The following ENO4 variants were observed in gnomAD, a reference collection of about 807,000 sequenced individuals.
The protein encoded by ENO4 is 2-phospho-D-glycerate hydro-lyase.
Under a neutral mutation model 63.2 loss-of-function variants are expected in ENO4, and 53 were observed. The ratio of observed to expected loss-of-function variants is 0.84; its 90% confidence interval spans 0.67 to 1.05. The LOEUF is 1.05. ENO4 is among the 50% of genes least tolerant of loss of function. The probability of loss-of-function intolerance (pLI) is 0.00; values close to 1 mark genes in which losing one functional copy is unlikely to be tolerated. For missense variants in ENO4, 719 were observed against 772.0 expected (o/e 0.93, Z 0.81); for synonymous variants, 266 against 283.8 (o/e 0.94, Z 0.63).
At chr10:116,861,920 A>T (rs942799224) in intron 6 of ENO4, among the ~76,000 whole-genome samples, 1 of 152,164 alleles carries the variant, frequency 6.6e-6, no homozygotes, top group Non-Finnish European at 1.5e-5. Flanking sequence ...GCAGAAGAAT[A>T]CTATTTATAT....
intron 10 of ENO4, among the ~76,000 whole-genome samples, chr10:116,875,657 G>A (rs1298932160): frequency 6.6e-6 from 1 of 151,906 alleles, no homozygotes; most frequent in Non-Finnish European, 1.5e-5. Flanking sequence ...ACAAAAATAA[G>A]GGTGTTGAGA....
At chr10:116,884,641 A>C (rs1303285518), downstream of ENO4, 2 of 167,782 alleles carry the variant, frequency 1.2e-5, no homozygotes, top group Non-Finnish European at 2.6e-5. Context: ...GCAAGAAGGA[A>C]GACAGCACAA....
At chr10:116,886,356 G>A (rs1847162383), downstream of ENO4, 3 of 1,553,548 alleles carry the variant, frequency 1.9e-6, no homozygotes, top group Non-Finnish European at 1.7e-6. Flanking sequence ...AGCAGTTGGA[G>A]CTGTCTGTCT....
At position 116,881,560 on chromosome 10, in the gene ENO4, A is replaced by C; in HGVS notation, c.1769A>C (p.Glu590Ala). Reference sequence around the variant, plus strand: ...TTTTTTTACTTTAATGAGGAAGCTGAAAAGGCTGCGGAGGCACTTGAGGCT... The same window carrying C: ...TTTTTTTACTTTAATGAGGAAGCTGCAAAGGCTGCGGAGGCACTTGAGGCT... ...HTFFYFNEEA[E>A]KAAEALEAAA... Residue 590 changes from glutamate (E) to alanine (A), a missense_variant, in exon 14 of 14, where the codon GAA becomes GCA. By Grantham distance (107) the Glu-to-Ala change is moderately radical. Transcript: ENST00000341276. 2 of 1,548,044 alleles carry C rather than the reference A, an allele frequency of 1.3e-6. No individual in the cohort carries two copies. Among genetic ancestry groups the C allele is most frequent in the Non-Finnish European group, 1.7e-6 (2 of 1,146,188 alleles).
intron 11 of ENO4, among the ~76,000 whole-genome samples, chr10:116,877,055 A>G (rs1429082021): frequency 6.6e-6 from 1 of 152,100 alleles, no homozygotes; most frequent in Non-Finnish European, 1.5e-5. Context: ...ACTGTGGAAC[A>G]CCTGGGTACC....
chr10:116,855,024 C>A (rs1231815208), intron 1 of ENO4, among the ~76,000 whole-genome samples: 1 of 148,048 alleles, frequency 6.8e-6, no homozygotes, highest in South Asian at 2.1e-4. Flanking sequence ...ACTATAAGAA[C>A]GCCTGCTAGC....
chr10:116,853,393 G>A (rs989258339), intron 1 of ENO4, among the ~76,000 whole-genome samples: 1 of 152,102 alleles, frequency 6.6e-6, no homozygotes, highest in Non-Finnish European at 1.5e-5. Flanking sequence ...CCCATCTGTG[G>A]GATGGAGATG....
Position 116,876,031 on chromosome 10 carries a change from C to T in ENO4, c.1342-34C>T. 6 of 1,412,522 alleles carry T rather than the reference C, an allele frequency of 4.2e-6. No individual in the cohort carries two copies. The South Asian group carries it at 7.2e-5, about 17-fold the overall frequency. 87.5% of individuals were successfully genotyped at this position (1,412,522 alleles called of 1,614,324 possible). A position where few individuals can be genotyped will look rare whatever the true frequency, so the allele number is the denominator to read the frequency against. ...TGTTGTTTTGTAATTATGTTCAATG[C>T]ATTATAATGATCAACTCTTAAATAT... On this transcript the variant is annotated intron_variant, in intron 10 of 13. Transcript: ENST00000341276.
At chr10:116,857,066 T>C (rs1846285530) in intron 3 of ENO4, among the ~76,000 whole-genome samples, 1 of 152,052 alleles carries the variant, frequency 6.6e-6, no homozygotes, top group South Asian at 2.1e-4. Flanking sequence ...AAAATGGGTC[T>C]GTCAAATCTA....
At chr10:116,874,335 C>T (rs923848672) in intron 10 of ENO4, 134 bp downstream of exon 10, 18 of 890,870 alleles carry the variant, frequency 2.0e-5, no homozygotes, top group African/African-American at 1.0e-4. Flanking sequence ...TCTTTTGGAT[C>T]GTTGTCATTC....
chr10:116,850,043 G>T, intron 1 of ENO4: 1 of 528,264 alleles, frequency 1.9e-6, no homozygotes, highest in East Asian at 3.7e-5. Flanking sequence ...CTCCGTTTGT[G>T]GGCCGGCCCA....
At chr10:116,902,708 A>T (rs981644319) in intron 10 of ENO4, among the ~76,000 whole-genome samples, 3 of 152,226 alleles carry the variant, frequency 2.0e-5, no homozygotes, top group Non-Finnish European at 4.4e-5. Flanking sequence ...GTGCTTCTTG[A>T]AACTTCAGAA....
intron 7 of ENO4, among the ~76,000 whole-genome samples, chr10:116,867,292 A>C (rs1447688599): frequency 6.6e-6 from 1 of 152,126 alleles, no homozygotes; most frequent in Non-Finnish European, 1.5e-5. Context: ...TATTTGTTTC[A>C]GTTTTTAGCC....
At position 116,855,710 on chromosome 10, in the gene ENO4, C is replaced by G. The variant is rs1271802318; in HGVS notation, c.253C>G (p.Leu85Val). ...ACTAGATGGACTGGGGCTTCCAACC[C>G]TGCAAGTGGACATATTCTGCACCAT... Reference protein sequence around the residue: ...DVLDGLGLPTLQVDIFCTIQN... With the variant: ...DVLDGLGLPTVQVDIFCTIQN... Residue 85 changes from leucine to valine, a missense_variant, in exon 2 of 14, where the codon CTG (leucine) becomes GTG (valine). Transcript: ENST00000341276. 1 of 1,536,550 alleles carries G rather than the reference C, an allele frequency of 6.5e-7. No homozygotes were observed. The highest frequency in any genetic ancestry group is 1.2e-5 in the South Asian group (1 of 84,042).
chr10:116,857,739 A>G (rs936642179), intron 3 of ENO4, among the ~76,000 whole-genome samples: 3 of 151,914 alleles, frequency 2.0e-5, no homozygotes, highest in African/African-American at 7.3e-5. Flanking sequence ...CCCAGGTTCA[A>G]GCGATTCTCC....
intron 11 of ENO4, among the ~76,000 whole-genome samples, chr10:116,878,904 C>T (rs529211092): frequency 3.3e-5 from 5 of 151,902 alleles, no homozygotes; most frequent in Admixed American, 2.0e-4. Context: ...CCACCACGCC[C>T]GGCTAATTTT....
At chr10:116,858,892 T>G in intron 3 of ENO4, 98 bp from the exon 4 acceptor site, 1 of 608,430 alleles carries the variant, frequency 1.6e-6, no homozygotes, top group Admixed American at 3.5e-5. Context: ...AAGCAGTTAT[T>G]TATTGAAATA....
intron 10 of ENO4, chr10:116,901,355 GAA>G (rs1847727519): frequency 2.0e-6 from 2 of 985,156 alleles, no homozygotes; most frequent in Non-Finnish European, 2.4e-6. Context: ...GACTAGAAAA[GAA>G]GGTTGTAAAA....
intron 6 of ENO4, among the ~76,000 whole-genome samples, chr10:116,862,036 C>G (rs1846428753): frequency 6.6e-6 from 1 of 152,142 alleles, no homozygotes. Flanking sequence ...GAATGCCATT[C>G]TTTATCAGGT....
Sources: gnomAD v4.1 joint callset for allele counts (sites outside exome capture counted in the v4.1 genomes callset) on GRCh38, gnomAD v4.1.1 for gene constraint, MANE v1.5 for transcripts, NCBI Gene and HGNC (gene_info 2026-07-23, HGNC 2026-07-21) for gene names.